The following ESCO1 variants were observed in gnomAD, a reference collection of about 807,000 sequenced individuals.
ESCO1 encodes the protein N-acetyltransferase ESCO1.
In ESCO1, 33 loss-of-function variants were observed where a neutral mutation model predicts 83.5. The observed-to-expected ratio is 0.40, with a 90% CI of 0.30 to 0.53. The LOEUF is 0.53. ESCO1 is among the 20% of genes least tolerant of loss of function. ESCO1 has a pLI of 0.63. For synonymous variants in ESCO1, 332 were observed against 324.3 expected (o/e 1.02, Z -0.25); for missense variants, 855 against 968.0 (o/e 0.88, Z 1.55).
intron 1 of ESCO1, among the ~76,000 whole-genome samples, chr18:21,595,537 C>T (rs1420909859): frequency 6.7e-6 from 1 of 149,222 alleles, no homozygotes; most frequent in Non-Finnish European, 1.5e-5. Flanking sequence ...GGCATGGTGG[C>T]AGGTGCCTGT....
At position 21,574,585 on chromosome 18, in the gene ESCO1, T is replaced by C; in HGVS notation, c.259A>G (p.Thr87Ala). ...DKATKSINKN[T>A]VTVRGYSQES... Reference sequence around the variant, plus strand: ...TGTGAATATCCCCTCACAGTCACCGTATTTTTATTAATGGATTTAGTAGCT... The same window carrying C: ...TGTGAATATCCCCTCACAGTCACCGCATTTTTATTAATGGATTTAGTAGCT... Residue 87 changes from threonine to alanine, a missense_variant, in exon 4 of 12, where the codon ACG becomes GCG. Around this residue, in one of 2 missense-constraint regions of ESCO1, gnomAD observed 726 missense variants for 699.5 expected, o/e 1.04. Transcript: ENST00000269214. 6.2e-7 allele frequency: 1 copy of C among 1,614,094 alleles called. No individual in the cohort carries two copies. The highest frequency in any genetic ancestry group is 8.5e-7 in the Non-Finnish European group (1 of 1,180,000).
chr18:21,546,059 T>C (rs2037970136), intron 8 of ESCO1, among the ~76,000 whole-genome samples: 1 of 152,238 alleles, frequency 6.6e-6, no homozygotes, highest in East Asian at 1.9e-4. Flanking sequence ...GGAAAAATTC[T>C]CTCAATTCAG....
chr18:21,571,567 C>T (rs1167284804), intron 4 of ESCO1, among the ~76,000 whole-genome samples: 2 of 152,152 alleles, frequency 1.3e-5, no homozygotes, highest in Non-Finnish European at 2.9e-5. Flanking sequence ...GCAATGTTAT[C>T]AAAGGTCAAA....
chr18:21,530,659 T>C (rs45525934), intron 11 of ESCO1, among the ~76,000 whole-genome samples, 169 bp from the exon 12 acceptor site: 3,115 of 152,228 alleles, frequency 0.02, 46 homozygotes, highest in Middle Eastern at 0.041. Flanking sequence ...TCATCTATAA[T>C]ATCAATAACC....
chr18:21,560,793 C>T, intron 8 of ESCO1, 66 bp downstream of exon 8: 1 of 1,559,086 alleles, frequency 6.4e-7, no homozygotes, highest in Non-Finnish European at 8.6e-7. Context: ...TTTGGCAACT[C>T]ATCTCATTAA....
rs183977185 is a variant in ESCO1, at chr18:21,579,509, C to T, written c.-693-3732G>A. Among the ~76,000 whole-genome samples the T allele has an allele frequency of 6.5e-4, 98 of 151,844 alleles. No individual in the cohort carries two copies. In the Middle Eastern group the frequency reaches 0.014, roughly 21 times the overall value. ...AAATGGGGCCAGGCACAGTGGCTCA[C>T]GCCTGTAATCCCAGCACTTTGGGAG... is the stretch of plus-strand genomic sequence containing the variant. On this transcript the variant is annotated intron_variant, in intron 2 of 11. Transcript: ENST00000269214.
chr18:21,590,897 A>T (rs1021414507), intron 1 of ESCO1, among the ~76,000 whole-genome samples: 1 of 151,862 alleles, frequency 6.6e-6, no homozygotes, highest in Non-Finnish European at 1.5e-5. Context: ...GTGAGCCAAG[A>T]TCTCATTACT....
chr18:21,558,079 A>G (rs1482600177), intron 8 of ESCO1, among the ~76,000 whole-genome samples: 2 of 150,744 alleles, frequency 1.3e-5, no homozygotes, highest in African/African-American at 4.9e-5. Context: ...CAACCTCCTG[A>G]GCTCAAGCGA....
intron 4 of ESCO1, among the ~76,000 whole-genome samples, chr18:21,573,102 G>A (rs909109723): frequency 6.6e-6 from 1 of 152,152 alleles, no homozygotes; most frequent in Non-Finnish European, 1.5e-5. Flanking sequence ...GAGTAAAAAT[G>A]AGGAAACAAT....
rs894360932 is a variant in ESCO1 at position 21,595,966 on chromosome 18, A to AAAAT, written c.-825+4653_-825+4656dup. Among the ~76,000 whole-genome samples the AAAAT allele has an allele frequency of 3.0e-4, 46 of 151,938 alleles. No individual in the cohort carries two copies. The East Asian group carries it at 5.4e-3, about 18-fold the overall frequency. Reference sequence around the variant, plus strand: ...GCGACAGAGCGAGACTCCATCTCAAAAAATAAATAAATAAATAAATAAAAT... The same window carrying AAAAT: ...GCGACAGAGCGAGACTCCATCTCAAAAAATAAATAAATAAATAAATAAATAAAAT... On this transcript the variant is annotated intron_variant, in intron 1 of 11. Coordinates refer to ENST00000269214, the MANE Select transcript of ESCO1 (RefSeq NM_052911.3).
rs759360607 is a variant in ESCO1 at position 21,560,841 on chromosome 18, T to A, written c.1953+18A>T. The A allele has an allele frequency of 2.5e-6, 4 of 1,595,818 alleles. No individual in the cohort carries two copies. In the South Asian group the frequency reaches 4.7e-5, roughly 19 times the overall value. ...ATTATCTGATTTTTGCATTTTAGAA[T>A]TCACAAATTCCACTTACCACATATT... On this transcript the variant is annotated intron_variant, in intron 8 of 11. Transcript: ENST00000269214.
chr18:21,568,607 G>C (rs2090850208), intron 4 of ESCO1, among the ~76,000 whole-genome samples: 1 of 152,054 alleles, frequency 6.6e-6, no homozygotes, highest in Admixed American at 6.6e-5. Flanking sequence ...ACCAGATTTT[G>C]AACTTAAGCA....
rs529358626 is a variant in ESCO1 at position 21,584,385 on chromosome 18, C to G, written c.-769G>C. On this transcript the variant is annotated 5_prime_UTR_variant, in exon 2 of 12. Transcript: ENST00000269214. ...GCTTCTGATGAATGATACTTCTTAT[C>G]ACTTCCTGTATGTTTAGTAATCTTT... 1.3e-5 allele frequency: 2 copies of G among 150,738 alleles called. No individual in the cohort carries two copies. Among genetic ancestry groups the G allele is most frequent in the Admixed American group, 6.6e-5 (1 of 15,096 alleles). 9.3% of individuals were successfully genotyped at this position (150,738 alleles called of 1,614,324 possible).
At chr18:21,535,920 C>A in intron 10 of ESCO1, 122 bp downstream of exon 10, 1 of 1,188,814 alleles carries the variant, frequency 8.4e-7, no homozygotes, top group Non-Finnish European at 1.2e-6. Context: ...CATGGGAATT[C>A]TTGCATTAAA....
At chr18:21,599,526 C>A (rs756916834) in intron 1 of ESCO1, among the ~76,000 whole-genome samples, 3 of 152,104 alleles carry the variant, frequency 2.0e-5, no homozygotes, top group African/African-American at 7.2e-5. Context: ...ACTAACCACA[C>A]CTTATGCCAC....
At chr18:21,580,696 A>G (rs2038490034) in intron 2 of ESCO1, among the ~76,000 whole-genome samples, 1 of 152,246 alleles carries the variant, frequency 6.6e-6, no homozygotes, top group Non-Finnish European at 1.5e-5. Context: ...TTTTTTAAAA[A>G]GAATTACTAT....
At chr18:21,584,863 T>C (rs1477199807) in intron 1 of ESCO1, among the ~76,000 whole-genome samples, 1 of 151,994 alleles carries the variant, frequency 6.6e-6, no homozygotes, top group Non-Finnish European at 1.5e-5. Flanking sequence ...TTCACAATTA[T>C]ATGCAAAACA....
At chr18:21,537,820 A>G (rs1021853962) in intron 9 of ESCO1, among the ~76,000 whole-genome samples, 10 of 152,220 alleles carry the variant, frequency 6.6e-5, no homozygotes, top group Non-Finnish European at 1.0e-4. Context: ...AAATGTGAAT[A>G]GCTGGAATTC....
intron 1 of ESCO1, among the ~76,000 whole-genome samples, chr18:21,600,394 G>A (rs1482211186): frequency 6.6e-6 from 1 of 152,258 alleles, no homozygotes; most frequent in African/African-American, 2.4e-5. Context: ...GCGCGGACAC[G>A]CGAGCACGTT....
Sources: gnomAD v4.1 joint callset for allele counts (sites outside exome capture counted in the v4.1 genomes callset) on GRCh38, gnomAD v4.1.1 for gene constraint, gnomAD v4.1.1 regional missense constraint, MANE v1.5 for transcripts, NCBI Gene and HGNC (gene_info 2026-07-23, HGNC 2026-07-21) for gene names.